Variants in NCOA6 observed in about 807,000 individuals in gnomAD.
NCOA6 encodes the protein NRC RAP250.
NCOA6 carries 49 observed loss-of-function variants against 171.4 expected under a neutral mutation model. The ratio of observed to expected loss-of-function variants is 0.29; its 90% confidence interval spans 0.23 to 0.36. The LOEUF (loss-of-function observed/expected upper bound fraction) is 0.36. Among genes scored for constraint, NCOA6 ranks in the 10% least tolerant of loss-of-function variants. The pLI, the probability that NCOA6 is intolerant of heterozygous loss-of-function variation, is 1.00. For synonymous variants in NCOA6, 910 were observed against 927.5 expected, an observed-to-expected ratio of 0.98 and a Z score of 0.34; for missense variants, 2,248 against 2,554.5, an observed-to-expected ratio of 0.88 and a Z score of 2.59.
intron 1 of NCOA6, chr20:34,819,404 A>AT (rs1319516123): frequency 6.6e-6 from 1 of 152,228 alleles, no homozygotes; most frequent in Non-Finnish European, 1.5e-5. Context: ...GTCTGTGTAC[A>AT]TTTTTAAGAC....
chr20:34,740,152 C>T (rs1435690171), intron 11 of NCOA6, among the ~76,000 whole-genome samples: 3 of 152,164 alleles, frequency 2.0e-5, no homozygotes, highest in Admixed American at 6.5e-5. Flanking sequence ...CGTGAGCCAC[C>T]GCACCTGGCC....
At chr20:34,766,397 A>AC (rs901368666) in intron 5 of NCOA6, among the ~76,000 whole-genome samples, 1 of 152,066 alleles carries the variant, frequency 6.6e-6, no homozygotes, top group African/African-American at 2.4e-5. Flanking sequence ...TGGGCAGATC[A>AC]CTTGAGCCCA....
intron 1 of NCOA6, among the ~76,000 whole-genome samples, chr20:34,804,105 G>A (rs2078357220): frequency 6.6e-6 from 1 of 152,144 alleles, no homozygotes; most frequent in Admixed American, 6.5e-5. Flanking sequence ...GGGAGGCTGA[G>A]GCAGGCAGAT....
At position 34,768,473 on chromosome 20, in the gene NCOA6, T is replaced by C; in HGVS notation, c.505A>G (p.Ser169Gly). Residue 169 changes from serine (S) to glycine (G), a missense_variant, in exon 5 of 15, where the codon AGT (serine) becomes GGT (glycine). Around this residue, in one of 7 missense-constraint regions of NCOA6, gnomAD observed 987 missense variants for 1,104.7 expected, o/e 0.89. Transcript: ENST00000359003. Reference protein sequence around the residue: ...VRMEAGFPMASGPGIIRMNNP... With the variant: ...VRMEAGFPMAGGPGIIRMNNP... ...GAGTGGGAGGTCTTACCTGGACCAC[T>C]TGCCATAGGAAATCCCGCCTCCATC... The C allele has an allele frequency of 6.2e-7, 1 of 1,614,142 alleles. No individual in the cohort carries two copies. Among genetic ancestry groups the C allele is most frequent in the Non-Finnish European group, 8.5e-7 (1 of 1,180,004 alleles).
chr20:34,756,973 C>A (rs1400828724), intron 7 of NCOA6, among the ~76,000 whole-genome samples: 1 of 152,112 alleles, frequency 6.6e-6, no homozygotes, highest in Non-Finnish European at 1.5e-5. Context: ...ATTTGAAAAA[C>A]AAAATGAACA....
Position 34,730,099 on chromosome 20 carries a change from ACT to A in NCOA6, c.5999+2458_5999+2459del, listed in dbSNP as rs1461228358. Among the ~76,000 whole-genome samples the A allele has an allele frequency of 3.3e-5, 5 of 151,592 alleles. No individual in the cohort carries two copies. The East Asian group carries it at 7.8e-4, about 24-fold the overall frequency. On this transcript the variant is annotated intron_variant, in intron 13 of 14. Transcript: ENST00000359003. Reference sequence around the variant, plus strand: ...TGTTTTTTTTTTGAGACAGGATGTCACTCTGTCCCCCAGGCTGGGGTGTGGGT... The same window carrying A: ...TGTTTTTTTTTTGAGACAGGATGTCACTGTCCCCCAGGCTGGGGTGTGGGT...
At position 34,750,522 on chromosome 20, in the gene NCOA6, T is replaced by TA. The variant is rs560155280; in HGVS notation, c.1676-4dup. 0.13 allele frequency: 123,178 copies of TA among 985,408 alleles called. No homozygotes were observed. The highest frequency in any genetic ancestry group is 0.14 in the South Asian group (7,744 of 57,290). 61.0% of individuals were successfully genotyped at this position (985,408 alleles called of 1,614,324 possible). On this transcript the variant is annotated splice_polypyrimidine_tract_variant and splice_region_variant and intron_variant, in intron 8 of 14. Transcript: ENST00000359003. The stretch of plus-strand genomic sequence containing the variant: ...AGGAGGACCAGCTCCTTGACCACCT[T>TA]AAAAAAAAAAAAAGTCACAGTTTCA...
At chr20:34,733,832 C>T (rs1242858031) in intron 12 of NCOA6, among the ~76,000 whole-genome samples, 1 of 100,106 alleles carries the variant, frequency 1.0e-5, no homozygotes, top group Admixed American at 1.7e-4. Flanking sequence ...AGCCTGGTGA[C>T]AGAGCAAGAC....
At chr20:34,761,440 T>C (rs2076814820) in intron 5 of NCOA6, among the ~76,000 whole-genome samples, 1 of 152,104 alleles carries the variant, frequency 6.6e-6, no homozygotes, top group South Asian at 2.1e-4. Context: ...AATGCATTTT[T>C]ACGTTTCCAA....
intron 8 of NCOA6, 102 bp downstream of exon 8, chr20:34,754,620 G>C: frequency 7.4e-7 from 1 of 1,344,396 alleles, no homozygotes; most frequent in Non-Finnish European, 1.0e-6. Context: ...AAATTAAGGG[G>C]AGAGACCAAG....
Position 34,749,477 on chromosome 20 carries a change from T to G in NCOA6, c.2718A>C (p.Gln906His), listed in dbSNP as rs529933400. The G allele has an allele frequency of 2.5e-6, 4 of 1,614,218 alleles. No homozygotes were observed. The East Asian group carries it at 8.9e-5, about 36-fold the overall frequency. ...SAGHFGVNNK[Q>H]NNTNANKPKK... ...TCGGTTTATTTGCGTTGGTATTATT[T>G]TGCTTATTGTTTACCCCAAAATGGC... is the stretch of plus-strand genomic sequence containing the variant. The change falls in exon 9 of 15, where the codon CAA becomes CAC. Residue 906 changes from glutamine to histidine, a missense_variant. By Grantham distance (24) the Gln-to-His change is conservative (BLOSUM62 0). This residue lies in a region of NCOA6 where 352 missense variants were observed against 419.1 expected (regional missense o/e 0.84). Coordinates refer to ENST00000359003, the MANE Select transcript of NCOA6 (RefSeq NM_014071.5).
At chr20:34,733,554 T>C (rs2145417474) in intron 12 of NCOA6, among the ~76,000 whole-genome samples, 1 of 152,292 alleles carries the variant, frequency 6.6e-6, no homozygotes, top group South Asian at 2.1e-4. Flanking sequence ...ATAATCACAT[T>C]ACCCACTTCA....
chr20:34,780,813 C>G (rs62214861), intron 3 of NCOA6, among the ~76,000 whole-genome samples: 1 of 151,884 alleles, frequency 6.6e-6, no homozygotes, highest in African/African-American at 2.4e-5. Flanking sequence ...GCCAACATAC[C>G]CAACTAATTT....
chr20:34,736,751 C>T lies in NCOA6; in HGVS notation c.5901G>A (p.Ser1967=), dbSNP rs376017471. 84 of 1,609,556 alleles carry T rather than the reference C, an allele frequency of 5.2e-5. No individual in the cohort carries two copies. Among genetic ancestry groups the T allele is most frequent in the East Asian group, 2.7e-4 (12 of 44,734 alleles). The part of the protein sequence containing the change: ...HPELLPSIAP[S]QNLVSKETST... ...AAGTTTCCTTTGAGACTAAATTCTGCGACGGGGCTAAGGCAAGGAAAAAAA... is the reference window on the plus strand; with the variant it reads ...AAGTTTCCTTTGAGACTAAATTCTGTGACGGGGCTAAGGCAAGGAAAAAAA... The change falls in exon 12 of 15, where the codon TCG becomes TCA. Residue 1967 remains serine (S), a synonymous_variant. Coordinates refer to ENST00000359003, the MANE Select transcript of NCOA6 (RefSeq NM_014071.5).
At chr20:34,806,517 T>C (rs1175674107) in intron 1 of NCOA6, among the ~76,000 whole-genome samples, 1 of 152,216 alleles carries the variant, frequency 6.6e-6, no homozygotes, top group Middle Eastern at 3.2e-3. Context: ...ATGTTTTCTT[T>C]TAGTGGTTTC....
intron 5 of NCOA6, among the ~76,000 whole-genome samples, chr20:34,759,306 C>T (rs2076746779): frequency 6.6e-6 from 1 of 152,190 alleles, no homozygotes; most frequent in African/African-American, 2.4e-5. Flanking sequence ...TCCCAAAGTG[C>T]TGGGACTACA....
intron 13 of NCOA6, among the ~76,000 whole-genome samples, chr20:34,728,134 T>A (rs1249266488): frequency 6.6e-6 from 1 of 152,180 alleles, no homozygotes; most frequent in Non-Finnish European, 1.5e-5. Context: ...AAAATTGCTA[T>A]TAACTCAAAA....
At chr20:34,801,458 C>T (rs1426566740) in intron 1 of NCOA6, among the ~76,000 whole-genome samples, 1 of 151,504 alleles carries the variant, frequency 6.6e-6, no homozygotes, top group South Asian at 2.1e-4. Flanking sequence ...ACCAGACTAA[C>T]AAAAAAAGAG....
intron 1 of NCOA6, among the ~76,000 whole-genome samples, chr20:34,810,616 T>G (rs906967473): frequency 6.6e-6 from 1 of 151,480 alleles, no homozygotes; most frequent in African/African-American, 2.4e-5. Context: ...AGTGCAGTGG[T>G]GCAATCTCGG....
Sources: gnomAD v4.1 joint callset for allele counts (sites outside exome capture counted in the v4.1 genomes callset) on GRCh38, gnomAD v4.1.1 for gene constraint, gnomAD v4.1.1 regional missense constraint, MANE v1.5 for transcripts, NCBI Gene and HGNC (gene_info 2026-07-23, HGNC 2026-07-21) for gene names.